RANBP2: variants seen among roughly 807,000 people sequenced by gnomAD.
RANBP2 encodes the protein RAN binding protein 2.
Under a neutral mutation model 303.6 loss-of-function variants are expected in RANBP2, and 57 were observed. The observed-to-expected ratio is 0.19, with a 90% CI of 0.15 to 0.23. RANBP2 has a LOEUF of 0.23. Among genes scored for constraint, RANBP2 ranks in the 10% least tolerant of loss-of-function variants. RANBP2 has a pLI of 1.00. For missense variants in RANBP2, 3,138 were observed against 3,780.8 expected, an observed-to-expected ratio of 0.83 and a Z score of 4.46; for synonymous variants, 1,167 against 1,301.5, an observed-to-expected ratio of 0.90 and a Z score of 2.23.
the RANBP2 span, among the ~76,000 whole-genome samples, chr2:109,406,887 C>T: frequency 3.3e-5 from 5 of 152,154 alleles, no homozygotes; most frequent in African/African-American, 7.2e-5. Flanking sequence ...GAGGGGTGGG[C>T]ACATGGAGTC....
the RANBP2 span, among the ~76,000 whole-genome samples, chr2:109,340,351 A>C: frequency 6.6e-6 from 1 of 152,234 alleles, no homozygotes; most frequent in Non-Finnish European, 1.5e-5. Context: ...GGAGGTGCTC[A>C]GGACAGGAAG....
the RANBP2 span, among the ~76,000 whole-genome samples, chr2:109,550,562 C>T: frequency 6.6e-6 from 1 of 152,066 alleles, no homozygotes; most frequent in South Asian, 2.1e-4. Context: ...GATCCACCCA[C>T]CTCGGCCTCC....
At chr2:109,272,795 C>A in the RANBP2 span, among the ~76,000 whole-genome samples, 1 of 152,198 alleles carries the variant, frequency 6.6e-6, no homozygotes, top group African/African-American at 2.4e-5. Context: ...AAACAGCCCC[C>A]GGTACTGCCG....
the RANBP2 span, among the ~76,000 whole-genome samples, chr2:109,239,744 G>T: frequency 2.0e-5 from 3 of 152,228 alleles, no homozygotes; most frequent in African/African-American, 7.2e-5. Context: ...GGAGCCACCT[G>T]TGGAAAGGAG....
chr2:109,078,077 AATATATATATATAT>A, the RANBP2 span, among the ~76,000 whole-genome samples: 1,041 of 47,400 alleles, frequency 0.022, 66 homozygotes, highest in South Asian at 0.028. Flanking sequence ...TTGACAGATG[AATATATATATATAT>A]ATATATATAT....
chr2:109,143,323 A>G, the RANBP2 span, among the ~76,000 whole-genome samples: 7 of 152,330 alleles, frequency 4.6e-5, no homozygotes, highest in South Asian at 1.4e-3. Context: ...TGGATAAAAA[A>G]TGCCTTAAGT....
At chr2:109,717,411 G>T in the RANBP2 span, among the ~76,000 whole-genome samples, 1 of 151,052 alleles carries the variant, frequency 6.6e-6, no homozygotes, top group South Asian at 2.1e-4. Context: ...GTGAAATCCC[G>T]TCTCAACTAA....
chr2:109,253,722 G>C, the RANBP2 span, among the ~76,000 whole-genome samples: 3 of 152,112 alleles, frequency 2.0e-5, no homozygotes, highest in African/African-American at 7.2e-5. Flanking sequence ...AATAGAACAG[G>C]TGGTTATTAA....
chr2:109,093,775 T>G, the RANBP2 span, among the ~76,000 whole-genome samples: 1 of 152,236 alleles, frequency 6.6e-6, no homozygotes, highest in African/African-American at 2.4e-5. Context: ...CACTGAATTG[T>G]TCTTCTCCGT....
the RANBP2 span, among the ~76,000 whole-genome samples, chr2:109,699,401 T>C: frequency 6.6e-6 from 1 of 152,230 alleles, no homozygotes; most frequent in South Asian, 2.1e-4. Context: ...ATATAACTTT[T>C]GATTTCCTCC....
chr2:109,408,479 A>G, the RANBP2 span, among the ~76,000 whole-genome samples: 7 of 152,226 alleles, frequency 4.6e-5, no homozygotes, highest in African/African-American at 1.7e-4. Flanking sequence ...ATCTGGATGC[A>G]GTGTGGGTTT....
At chr2:109,499,226 C>T in the RANBP2 span, among the ~76,000 whole-genome samples, 5 of 152,104 alleles carry the variant, frequency 3.3e-5, no homozygotes, top group Non-Finnish European at 7.4e-5. Context: ...TAGACAGCCT[C>T]GGCGTCTGTG....
At chr2:109,188,586 C>G in the RANBP2 span, among the ~76,000 whole-genome samples, 94 of 152,292 alleles carry the variant, frequency 6.2e-4, 1 homozygote, top group African/African-American at 2.2e-3. Context: ...GCAGGGGTCC[C>G]GTCCCCTCTC....
the RANBP2 span, among the ~76,000 whole-genome samples, chr2:109,264,803 G>A: frequency 2.6e-5 from 4 of 152,360 alleles, no homozygotes; most frequent in African/African-American, 4.8e-5. Context: ...ATCACCTACC[G>A]TGCATGCCGC....
At chr2:108,754,065 T>C in intron 15 of RANBP2, 94 bp downstream of exon 15, 1 of 1,608,962 alleles carries the variant, frequency 6.2e-7, no homozygotes, top group South Asian at 1.1e-5. Context: ...TCAAAAATAC[T>C]CAGTAATATG....
downstream of RANBP2, among the ~76,000 whole-genome samples, chr2:108,787,534 A>ATAT (rs1679087159): frequency 6.6e-6 from 1 of 152,210 alleles, no homozygotes; most frequent in Non-Finnish European, 1.5e-5. Context: ...AATTGGTATA[A>ATAT]TATTTGGTAA....
chr2:109,704,635 A>G, the RANBP2 span, among the ~76,000 whole-genome samples: 2 of 152,160 alleles, frequency 1.3e-5, no homozygotes, highest in African/African-American at 4.8e-5. Flanking sequence ...GGATCACCTG[A>G]GGTCAGGAGT....
chr2:109,687,741 A>ATT, the RANBP2 span, among the ~76,000 whole-genome samples: 609 of 133,450 alleles, frequency 4.6e-3, 3 homozygotes, highest in South Asian at 0.011. Context: ...AGGTCAGGGG[A>ATT]TTTTTTTTTT....
the RANBP2 span, among the ~76,000 whole-genome samples, chr2:109,441,543 G>A: frequency 2.0e-5 from 3 of 152,216 alleles, no homozygotes; most frequent in South Asian, 4.1e-4. Context: ...AATGGAATCC[G>A]TGAGCAATGG....
Sources: allele counts gnomAD v4.1 joint callset (sites outside exome capture counted in the v4.1 genomes callset), GRCh38; gene constraint gnomAD v4.1.1; transcripts MANE v1.5; gene names NCBI Gene and HGNC (gene_info 2026-07-23, HGNC 2026-07-21).